ROBO2: variants seen among roughly 807,000 people sequenced by gnomAD.
ROBO2 encodes the protein roundabout homolog 2.
Under a neutral mutation model 160.8 loss-of-function variants are expected in ROBO2, and 53 were observed. That is an observed-to-expected ratio of 0.33 (90% confidence interval 0.26 to 0.41). ROBO2 has a LOEUF of 0.41. ROBO2 is among the 10% of genes least tolerant of loss of function. The pLI is 1.00. For synonymous variants in ROBO2, 664 were observed against 611.7 expected (o/e 1.09, Z -1.26); for missense variants, 1,577 against 1,722.4 (o/e 0.92, Z 1.49).
At chr3:76,954,873 A>G (rs557553404) in intron 2 of ROBO2, among the ~76,000 whole-genome samples, 104 of 152,370 alleles carry the variant, frequency 6.8e-4, no homozygotes, top group African/African-American at 2.4e-3. Flanking sequence ...AAAATTATAT[A>G]TAGAACATCC....
rs1223693492 is a variant in ROBO2 at position 77,398,029 on chromosome 3, AATAAT to A, written c.389-79380_389-79376del. ...GATGTATTGTTTTCTGAACATGAGG[AATAAT>A]ATAACACAGAGAACATTATAGGTCT... is the stretch of plus-strand genomic sequence containing the variant. On this transcript the variant is annotated intron_variant, in intron 2 of 25. Coordinates refer to ENST00000461745, the Ensembl canonical transcript of ROBO2. Among the ~76,000 whole-genome samples the A allele has an allele frequency of 2.6e-5, 4 of 152,292 alleles. No individual in the cohort carries two copies. The East Asian group carries it at 7.7e-4, about 29-fold the overall frequency.
intron 2 of ROBO2, among the ~76,000 whole-genome samples, chr3:76,108,816 T>C (rs2070074512): frequency 6.6e-6 from 1 of 151,352 alleles, no homozygotes; most frequent in South Asian, 2.1e-4. Flanking sequence ...ATTATTTTGA[T>C]TGTAAAATAG....
In ROBO2 at chr3:76,834,052, C is replaced by T. The variant is rs1348496590; in HGVS notation, c.110-263962C>T. Among the ~76,000 whole-genome samples, 24 of 47,098 alleles carry T rather than the reference C, an allele frequency of 5.1e-4. 2 individuals carry two copies. The highest frequency in any genetic ancestry group is 1.7e-3 in the African/African-American group (21 of 12,152). 30.9% of individuals were successfully genotyped at this position (47,098 alleles called of 152,430 possible). A position where few individuals can be genotyped will look rare whatever the true frequency, so the allele number is the denominator to read the frequency against. On this transcript the variant is annotated intron_variant, in intron 2 of 26. Coordinates refer to the ROBO2 transcript ENST00000487694. The stretch of plus-strand genomic sequence containing the variant: ...CTTTCTTTCTTTCCTTTCTTTCTCT[C>T]CTTTCTTTCTTTTCTTTCTTTCTTT...
intron 2 of ROBO2, among the ~76,000 whole-genome samples, chr3:77,288,217 C>T (rs2153382066): frequency 6.6e-6 from 1 of 152,234 alleles, no homozygotes; most frequent in African/African-American, 2.4e-5. Flanking sequence ...TGGCAAGAAT[C>T]AGAGGAACCG....
At chr3:76,436,267 T>C (rs1188363571) in intron 2 of ROBO2, among the ~76,000 whole-genome samples, 2 of 152,226 alleles carry the variant, frequency 1.3e-5, no homozygotes, top group Non-Finnish European at 2.9e-5. Flanking sequence ...TAGTTACATA[T>C]GTATACATGT....
intron 2 of ROBO2, among the ~76,000 whole-genome samples, chr3:76,108,162 T>C (rs1329973357): frequency 2.6e-5 from 4 of 152,072 alleles, no homozygotes; most frequent in African/African-American, 9.6e-5. Context: ...TACTGGGTTG[T>C]GTTCGGAACT....
At chr3:75,937,928 G>C (rs967135343) in intron 2 of ROBO2, among the ~76,000 whole-genome samples, 10 of 147,404 alleles carry the variant, frequency 6.8e-5, no homozygotes, top group African/African-American at 2.5e-4. Flanking sequence ...GCGGGTATGC[G>C]TATGAGTTTG....
At chr3:76,176,711 T>TGA (rs1202582616) in intron 2 of ROBO2, among the ~76,000 whole-genome samples, 1 of 152,142 alleles carries the variant, frequency 6.6e-6, no homozygotes, top group Admixed American at 6.5e-5. Flanking sequence ...TTTTTCCTCA[T>TGA]TTTCTTACTT....
chr3:76,112,391 T>C (rs2070273199), intron 2 of ROBO2, among the ~76,000 whole-genome samples: 1 of 152,132 alleles, frequency 6.6e-6, no homozygotes, highest in Admixed American at 6.6e-5. Flanking sequence ...AGTCATATTT[T>C]TTCTACTCCT....
chr3:77,027,645 C>A (rs187044805), intron 2 of ROBO2, among the ~76,000 whole-genome samples: 1 of 152,284 alleles, frequency 6.6e-6, no homozygotes, highest in East Asian at 1.9e-4. Flanking sequence ...TATTGAACTA[C>A]AGTAGTTAGT....
intron 2 of ROBO2, among the ~76,000 whole-genome samples, chr3:77,388,125 C>T (rs1391337735): frequency 1.4e-5 from 2 of 148,018 alleles, no homozygotes. Context: ...AAACTCCATT[C>T]TCATAGATTC....
intron 2 of ROBO2, among the ~76,000 whole-genome samples, chr3:76,437,278 C>A (rs986409372): frequency 6.6e-6 from 1 of 151,920 alleles, no homozygotes; most frequent in African/African-American, 2.4e-5. Context: ...ATGACAAGGG[C>A]GATAAATGAA....
chr3:76,123,861 C>G (rs2070854944), intron 2 of ROBO2, among the ~76,000 whole-genome samples: 1 of 152,078 alleles, frequency 6.6e-6, no homozygotes, highest in African/African-American at 2.4e-5. Flanking sequence ...ATGTATGTTT[C>G]CCAGTTGTAA....
chr3:77,617,552 AACTT>A lies in ROBO2; in HGVS notation c.3340_3343del (p.Leu1114ThrfsTer58). On this transcript the variant is annotated frameshift_variant, in exon 22 of 26. Coordinates refer to ENST00000461745, the Ensembl canonical transcript of ROBO2. LOFTEE classifies it high-confidence loss of function. ...GCTGGTGCCCACCATTGCCAGTACA[AACTT>A]ACTTACACCAAGGTCTGGAAGATGA... 1 of 1,614,140 alleles carries A rather than the reference AACTT, an allele frequency of 6.2e-7. No individual in the cohort carries two copies. Among genetic ancestry groups the A allele is most frequent in the Non-Finnish European group, 8.5e-7 (1 of 1,180,006 alleles).
At chr3:76,094,152 AC>A (rs1422046073) in intron 2 of ROBO2, among the ~76,000 whole-genome samples, 5 of 152,170 alleles carry the variant, frequency 3.3e-5, no homozygotes, top group African/African-American at 1.2e-4. Flanking sequence ...ACACACACAC[AC>A]ACAAGCACAC....
chr3:77,522,368 A>G (rs1164197911), intron 5 of ROBO2, among the ~76,000 whole-genome samples: 2 of 151,290 alleles, frequency 1.3e-5, no homozygotes, highest in East Asian at 3.9e-4. Flanking sequence ...CGGCTCTCTA[A>G]TAGCCAAGGT....
chr3:76,765,025 AC>A lies in ROBO2; in HGVS notation c.110-332986del, dbSNP rs538177466. Among the ~76,000 whole-genome samples, 623 of 151,724 alleles carry A rather than the reference AC, an allele frequency of 4.1e-3. 2 individuals carry two copies. The highest frequency in any genetic ancestry group is 0.014 in the African/African-American group (577 of 41,474). On this transcript the variant is annotated intron_variant, in intron 2 of 26. Transcript: ENST00000487694. Reference sequence around the variant, plus strand: ...CCTTCACCCAAATAGTGAACATTGTACCCAATAGGTAATTTTTCAACCCTCA... The same window carrying A: ...CCTTCACCCAAATAGTGAACATTGTACCAATAGGTAATTTTTCAACCCTCA...
At chr3:77,646,651 A>C (rs1559799034) in exon 26 of ROBO2, 1 of 152,510 alleles carries the variant, frequency 6.6e-6, no homozygotes, top group Non-Finnish European at 1.5e-5. Flanking sequence ...AAATAGGAAG[A>C]TGCAAAGGAA....
At chr3:76,343,476 A>G (rs1358491770) in intron 2 of ROBO2, among the ~76,000 whole-genome samples, 1 of 152,048 alleles carries the variant, frequency 6.6e-6, no homozygotes, top group African/African-American at 2.4e-5. Context: ...GAAGTTTTGC[A>G]CATGAGAACT....
Sources: gnomAD v4.1 joint callset for allele counts (sites outside exome capture counted in the v4.1 genomes callset) on GRCh38, gnomAD v4.1.1 for gene constraint, MANE v1.5 for transcripts, NCBI Gene and HGNC (gene_info 2026-07-23, HGNC 2026-07-21) for gene names.